AGMO: variants seen among roughly 807,000 people sequenced by gnomAD.
The protein encoded by AGMO is glyceryl-ether monooxygenase.
In AGMO, 75 loss-of-function variants were observed where a neutral mutation model predicts 60.2. The ratio of observed to expected loss-of-function variants is 1.25; its 90% CI spans 1.03 to 1.51. The LOEUF (loss-of-function observed/expected upper bound fraction) is 1.51, where lower values mean the gene tolerates loss of function less well. Ranked by LOEUF, AGMO falls within the 40% of genes most tolerant of loss-of-function variation. AGMO has a pLI of 0.00. For missense variants in AGMO, 763 were observed against 525.5 expected (o/e 1.45, Z -4.42); for synonymous variants, 261 against 177.1 (o/e 1.47, Z -3.76).
intron 4 of AGMO, among the ~76,000 whole-genome samples, chr7:15,420,926 G>A (rs1260621320): frequency 6.6e-6 from 1 of 152,030 alleles, no homozygotes; most frequent in Admixed American, 6.6e-5. Flanking sequence ...TACATAATAA[G>A]GCTATAATGG....
At chr7:15,475,961 A>C (rs1011170968) in intron 3 of AGMO, among the ~76,000 whole-genome samples, 1 of 152,092 alleles carries the variant, frequency 6.6e-6, no homozygotes, top group Non-Finnish European at 1.5e-5. Flanking sequence ...CTTCCAAATC[A>C]TGACGTAATA....
chr7:15,553,180 C>G (rs1174299771), intron 2 of AGMO, among the ~76,000 whole-genome samples: 16 of 145,196 alleles, frequency 1.1e-4, no homozygotes, highest in East Asian at 2.1e-4. Flanking sequence ...GTGGGGTGGG[C>G]GGAGGGGGGA....
intron 12 of AGMO, among the ~76,000 whole-genome samples, chr7:15,233,264 G>T (rs1410517369): frequency 6.6e-6 from 1 of 152,118 alleles, no homozygotes; most frequent in Non-Finnish European, 1.5e-5. Flanking sequence ...AATCTGTAAG[G>T]TATCGTGAAT....
intron 12 of AGMO, among the ~76,000 whole-genome samples, chr7:15,315,745 A>G (rs1265752515): frequency 6.6e-6 from 1 of 152,148 alleles, no homozygotes; most frequent in Admixed American, 6.5e-5. Context: ...TTGCATAACT[A>G]TACCTGTTAT....
chr7:15,392,513 C>G (rs926962392), intron 6 of AGMO, among the ~76,000 whole-genome samples: 1 of 151,762 alleles, frequency 6.6e-6, no homozygotes, highest in African/African-American at 2.4e-5. Context: ...GTCAAAAATG[C>G]TTTTAGGCTG....
chr7:15,531,539 A>C (rs71530629), intron 3 of AGMO, among the ~76,000 whole-genome samples: 1 of 19,068 alleles, frequency 5.2e-5, no homozygotes, highest in East Asian at 1.8e-3. Flanking sequence ...TATATTCTCT[A>C]TATATATTCT....
At chr7:15,221,475 G>T (rs1031247670) in intron 12 of AGMO, among the ~76,000 whole-genome samples, 7 of 151,884 alleles carry the variant, frequency 4.6e-5, no homozygotes, top group Non-Finnish European at 1.0e-4. Flanking sequence ...TATTTCCCTT[G>T]CTGAGACAAA....
At chr7:15,511,150 GC>G (rs1783661256) in intron 3 of AGMO, among the ~76,000 whole-genome samples, 1 of 152,066 alleles carries the variant, frequency 6.6e-6, no homozygotes, top group Admixed American at 6.5e-5. Context: ...CATCCTGGCA[GC>G]TCAGGGCACA....
At chr7:15,390,157 C>A (rs1784078620) in intron 8 of AGMO, among the ~76,000 whole-genome samples, 2 of 151,982 alleles carry the variant, frequency 1.3e-5, no homozygotes, top group South Asian at 2.1e-4. Flanking sequence ...ACAACCAGTA[C>A]CACATGTCTA....
the AGMO span, among the ~76,000 whole-genome samples, chr7:15,131,554 T>C: frequency 2.0e-5 from 3 of 152,146 alleles, no homozygotes; most frequent in Non-Finnish European, 4.4e-5. Context: ...GAAGATTACA[T>C]AAATTGTTTG....
chr7:15,236,746 T>A (rs1782433332), intron 12 of AGMO, among the ~76,000 whole-genome samples: 1 of 151,902 alleles, frequency 6.6e-6, no homozygotes, highest in South Asian at 2.1e-4. Context: ...TTGCCTAATT[T>A]AAAACAAACA....
At chr7:15,329,610 T>A (rs148262969) in intron 12 of AGMO, among the ~76,000 whole-genome samples, 1 of 152,222 alleles carries the variant, frequency 6.6e-6, no homozygotes, top group South Asian at 2.1e-4. Flanking sequence ...TTTCATATAG[T>A]TAACATTTAC....
chr7:15,133,228 G>A, the AGMO span, among the ~76,000 whole-genome samples: 2 of 152,142 alleles, frequency 1.3e-5, no homozygotes, highest in Non-Finnish European at 2.9e-5. Context: ...GACAAGCAGT[G>A]CAATAACCTA....
chr7:15,395,805 C>G lies in AGMO; in HGVS notation c.610-1626G>C, dbSNP rs191371161. Among the ~76,000 whole-genome samples, 300 of 152,334 alleles carry G rather than the reference C, an allele frequency of 2.0e-3. 1 individual carries two copies. Among genetic ancestry groups the G allele is most frequent in the African/African-American group, 6.9e-3 (289 of 41,592 alleles). ...AATTGCCTAAGTCTCAGACATATCT[C>G]TAATACAAAACTCTTTATCTAGGAG... is the stretch of plus-strand genomic sequence containing the variant. On this transcript the variant is annotated intron_variant, in intron 5 of 12. Coordinates refer to ENST00000342526, the MANE Select transcript of AGMO (RefSeq NM_001004320.2).
chr7:15,493,200 A>G (rs955895806), intron 3 of AGMO, among the ~76,000 whole-genome samples: 4 of 151,540 alleles, frequency 2.6e-5, no homozygotes, highest in South Asian at 2.1e-4. Context: ...GGTACAAGGA[A>G]CTCCCATATA....
At chr7:15,246,995 A>G (rs527671398) in intron 12 of AGMO, among the ~76,000 whole-genome samples, 4 of 152,190 alleles carry the variant, frequency 2.6e-5, no homozygotes, top group Admixed American at 6.5e-5. Flanking sequence ...CTGTAGAGAC[A>G]TGGTTTCAAC....
chr7:15,448,052 T>C (rs1781750961), intron 3 of AGMO, among the ~76,000 whole-genome samples: 2 of 152,216 alleles, frequency 1.3e-5, no homozygotes, highest in African/African-American at 4.8e-5. Flanking sequence ...GTGAAAACAA[T>C]GCAGTGTGTA....
chr7:15,241,998 T>C (rs780912498), intron 12 of AGMO, among the ~76,000 whole-genome samples: 3 of 152,146 alleles, frequency 2.0e-5, no homozygotes, highest in Non-Finnish European at 4.4e-5. Context: ...ATCTTATAAG[T>C]ATGCCACATG....
chr7:15,501,164 T>A (rs1783376179), intron 3 of AGMO, among the ~76,000 whole-genome samples: 1 of 152,000 alleles, frequency 6.6e-6, no homozygotes, highest in East Asian at 1.9e-4. Context: ...TCCTGTGGTG[T>A]TTGGCTGGAG....
Sources: gnomAD v4.1 joint callset for allele counts (sites outside exome capture counted in the v4.1 genomes callset) on GRCh38, gnomAD v4.1.1 for gene constraint, MANE v1.5 for transcripts, NCBI Gene and HGNC (gene_info 2026-07-23, HGNC 2026-07-21) for gene names.